The following TMEM50A variants were observed in gnomAD, a reference collection of about 807,000 sequenced individuals.
TMEM50A encodes transmembrane protein 50A.
A neutral mutation model predicts 23.9 loss-of-function variants in TMEM50A; 8 were observed. That is an observed-to-expected ratio of 0.33 (90% CI 0.20 to 0.60). The LOEUF is 0.60. TMEM50A is among the 20% of genes least tolerant of loss of function. The pLI is 0.81. For missense variants in TMEM50A, 178 were observed against 192.7 expected (o/e 0.92, Z 0.45); for synonymous variants, 55 against 60.4 (o/e 0.91, Z 0.41).
intron 3 of TMEM50A, among the ~76,000 whole-genome samples, 179 bp downstream of exon 3, chr1:25,343,252 T>A (rs566000240): frequency 6.6e-6 from 1 of 152,358 alleles, no homozygotes; most frequent in Middle Eastern, 3.4e-3. Flanking sequence ...TTTATTCTTT[T>A]TGTGTACCTC....
chr1:25,348,990 A>G (rs762226659), intron 3 of TMEM50A, among the ~76,000 whole-genome samples: 1 of 152,144 alleles, frequency 6.6e-6, no homozygotes, highest in Admixed American at 6.5e-5. Flanking sequence ...GCAGCTCAGC[A>G]TGGGCTCAGA....
intron 1 of TMEM50A, 115 bp from the exon 2 acceptor site, chr1:25,340,359 T>G (rs1323981903): frequency 3.2e-6 from 2 of 633,582 alleles, no homozygotes; most frequent in Non-Finnish European, 5.3e-6. Flanking sequence ...GGAACCAAAA[T>G]AAAGCATTTG....
intron 3 of TMEM50A, among the ~76,000 whole-genome samples, chr1:25,350,977 C>A (rs1351946392): frequency 6.6e-6 from 1 of 151,166 alleles, no homozygotes; most frequent in Non-Finnish European, 1.5e-5. Flanking sequence ...CTGGCTAACA[C>A]GGTGAAACCC....
At chr1:25,356,876 A>G in intron 6 of TMEM50A, 23 bp downstream of exon 6, 2 of 1,546,686 alleles carry the variant, frequency 1.3e-6, no homozygotes, top group Non-Finnish European at 1.7e-6. Context: ...TGCATTCTTT[A>G]TGTTTGTTTG....
chr1:25,360,593 C>G lies in TMEM50A; in HGVS notation c.429-67C>G, dbSNP rs1645389477. On this transcript the variant is annotated intron_variant, in intron 6 of 6. Transcript: ENST00000374358. Reference sequence around the variant, plus strand: ...TCTTCGTTGTTTGTTTCACACCATTCTCGAAATCTCACATACTCTTTTCTC... The same window carrying G: ...TCTTCGTTGTTTGTTTCACACCATTGTCGAAATCTCACATACTCTTTTCTC... 3 of 1,565,560 alleles carry G rather than the reference C, an allele frequency of 1.9e-6. No homozygotes were observed. The African/African-American group carries it at 4.1e-5, about 21-fold the overall frequency.
chr1:25,344,190 A>G (rs1348277097), intron 3 of TMEM50A, among the ~76,000 whole-genome samples: 1 of 152,164 alleles, frequency 6.6e-6, no homozygotes, highest in Non-Finnish European at 1.5e-5. Flanking sequence ...ACAGTGAGTC[A>G]TGATTGTGCC....
chr1:25,360,552 A>G (rs1645388772), intron 6 of TMEM50A, 108 bp from the exon 7 acceptor site: 1 of 1,249,384 alleles, frequency 8.0e-7, no homozygotes, highest in Non-Finnish European at 1.2e-6. Context: ...AATTTCTTCT[A>G]CAACTCATCA....
chr1:25,356,736 T>C, intron 5 of TMEM50A, 57 bp from the exon 6 acceptor site: 2 of 1,313,930 alleles, frequency 1.5e-6, no homozygotes, highest in African/African-American at 3.0e-5. Flanking sequence ...TGCCAATATA[T>C]CTGAAACTAA....
chr1:25,354,617 A>G (rs1645314037), intron 5 of TMEM50A, among the ~76,000 whole-genome samples: 1 of 152,146 alleles, frequency 6.6e-6, no homozygotes, highest in Non-Finnish European at 1.5e-5. Flanking sequence ...GTCTCAAAAA[A>G]AGAGAAAAGA....
chr1:25,351,613 T>C lies in TMEM50A; in HGVS notation c.207-13T>C, dbSNP rs1464425452. On this transcript the variant is annotated splice_polypyrimidine_tract_variant and intron_variant, in intron 3 of 6. Coordinates refer to ENST00000374358, the MANE Select transcript of TMEM50A (RefSeq NM_014313.4). Reference sequence around the variant, plus strand: ...ATGGACCCTGATTTCTTGGTTTTATTTTATTCATACAGGATTAATGCAGTA... The same window carrying C: ...ATGGACCCTGATTTCTTGGTTTTATCTTATTCATACAGGATTAATGCAGTA... The C allele has an allele frequency of 6.3e-7, 1 of 1,597,194 alleles. No homozygotes were observed. The highest frequency in any genetic ancestry group is 1.8e-5 in the Admixed American group (1 of 54,612).
chr1:25,351,614 T>C lies in TMEM50A; in HGVS notation c.207-12T>C. 6.3e-7 allele frequency: 1 copy of C among 1,597,084 alleles called. No homozygotes were observed. Among genetic ancestry groups the C allele is most frequent in the East Asian group, 2.2e-5 (1 of 44,608 alleles). On this transcript the variant is annotated splice_polypyrimidine_tract_variant and intron_variant, in intron 3 of 6. Transcript: ENST00000374358. ...TGGACCCTGATTTCTTGGTTTTATT[T>C]TATTCATACAGGATTAATGCAGTAT...
intron 5 of TMEM50A, 86 bp downstream of exon 5, chr1:25,353,060 T>TGG: frequency 7.7e-7 from 1 of 1,302,802 alleles, no homozygotes; most frequent in Non-Finnish European, 1.1e-6. Context: ...AAAATTTTTT[T>TGG]CCTATAGTTG....
Position 25,352,976 on chromosome 1 carries a change from TAAGAGAA to T in TMEM50A, c.367+5_367+11del. On this transcript the variant is annotated splice_donor_5th_base_variant and intron_variant, in intron 5 of 6. Transcript: ENST00000374358. Reference sequence around the variant, plus strand: ...TTTTTGGAGGTTATGTTGCTAAAGGTAAGAGAAAACATAGGTTACAATTTACTTCAGT... The same window carrying T: ...TTTTTGGAGGTTATGTTGCTAAAGGTAACATAGGTTACAATTTACTTCAGT... The T allele has an allele frequency of 6.2e-7, 1 of 1,610,342 alleles. No homozygotes were observed.
intron 5 of TMEM50A, 86 bp from the exon 6 acceptor site, chr1:25,356,707 A>T: frequency 1.0e-6 from 1 of 977,534 alleles, no homozygotes; most frequent in Non-Finnish European, 1.6e-6. Flanking sequence ...CAATTCTTCT[A>T]GGCAGGAAAA....
At chr1:25,351,542 CT>C in intron 3 of TMEM50A, 83 bp from the exon 4 acceptor site, 1 of 1,218,864 alleles carries the variant, frequency 8.2e-7, no homozygotes, top group Non-Finnish European at 1.1e-6. Context: ...CAGGCCTAAC[CT>C]TACATTTGAG....
rs546676782 is a variant in TMEM50A at position 25,339,975 on chromosome 1, C to T, written c.-13-499C>T. Reference sequence around the variant, plus strand: ...TTTTTGAGACAGAGTCTTGCTCTGTCGCCCAGGCTGGAGTGCAGTGGCACG... The same window carrying T: ...TTTTTGAGACAGAGTCTTGCTCTGTTGCCCAGGCTGGAGTGCAGTGGCACG... On this transcript the variant is annotated intron_variant, in intron 1 of 6. Coordinates refer to ENST00000374358, the MANE Select transcript of TMEM50A (RefSeq NM_014313.4). Among the ~76,000 whole-genome samples the T allele has an allele frequency of 3.3e-5, 5 of 152,248 alleles. 1 individual carries two copies. The highest frequency in any genetic ancestry group is 3.9e-4 in the East Asian group (2 of 5,192).
chr1:25,356,923 A>G (rs1645338679), intron 6 of TMEM50A, 70 bp downstream of exon 6: 2 of 1,175,538 alleles, frequency 1.7e-6, no homozygotes, highest in Non-Finnish European at 2.4e-6. Context: ...ATCATTTTCT[A>G]TATTTAGTTG....
At chr1:25,339,512 A>AGGAAATGATGT (rs1267921615) in intron 1 of TMEM50A, among the ~76,000 whole-genome samples, 8 of 152,234 alleles carry the variant, frequency 5.3e-5, no homozygotes, top group African/African-American at 1.9e-4. Context: ...ATGAAGTGAA[A>AGGAAATGATGT]GGAAATGATG....
At chr1:25,347,167 T>C (rs1557585345) in intron 3 of TMEM50A, among the ~76,000 whole-genome samples, 1 of 152,090 alleles carries the variant, frequency 6.6e-6, no homozygotes, top group African/African-American at 2.4e-5. Context: ...ACATTCTCAA[T>C]CAGCACTTCC....
Sources: gnomAD v4.1 joint callset for allele counts (sites outside exome capture counted in the v4.1 genomes callset) on GRCh38, gnomAD v4.1.1 for gene constraint, MANE v1.5 for transcripts, NCBI Gene and HGNC (gene_info 2026-07-23, HGNC 2026-07-21) for gene names.